DPY30: variants seen among roughly 807,000 people sequenced by gnomAD.
DPY30 encodes the protein protein dpy-30 homolog.
In DPY30, 6 loss-of-function variants were observed where a neutral mutation model predicts 16.2. The ratio of observed to expected loss-of-function variants is 0.37; its 90% CI spans 0.20 to 0.73. The LOEUF is 0.73. DPY30 is among the 30% of genes least tolerant of loss of function. The pLI is 0.51. For synonymous variants in DPY30, 39 were observed against 38.8 expected (o/e 1.00, Z -0.02); for missense variants, 73 against 113.1 (o/e 0.65, Z 1.61).
chr2:32,037,693 G>T (rs966797410), intron 3 of DPY30, among the ~76,000 whole-genome samples: 1 of 151,854 alleles, frequency 6.6e-6, no homozygotes, highest in African/African-American at 2.4e-5. Flanking sequence ...GAGTAGCTGG[G>T]ATTACAGGCA....
chr2:32,036,334 C>T (rs567771433), intron 3 of DPY30, among the ~76,000 whole-genome samples: 2 of 151,986 alleles, frequency 1.3e-5, no homozygotes, highest in South Asian at 2.1e-4. Context: ...AAATTCTAAA[C>T]CACAGATCCA....
chr2:32,023,310 G>A (rs1052826302), downstream of DPY30: 1 of 395,978 alleles, frequency 2.5e-6, no homozygotes, highest in Non-Finnish European at 5.1e-6. Flanking sequence ...CTTCACAGGG[G>A]ACAATGAGAA....
At chr2:32,038,421 G>GGC (rs1675835747) in intron 3 of DPY30, among the ~76,000 whole-genome samples, 1 of 83,156 alleles carries the variant, frequency 1.2e-5, no homozygotes, top group African/African-American at 4.7e-5. Flanking sequence ...GGGGGGGGGG[G>GGC]CGGGGGGAGG....
chr2:32,036,380 G>GA (rs1259245492), intron 3 of DPY30, among the ~76,000 whole-genome samples: 1 of 151,824 alleles, frequency 6.6e-6, no homozygotes, highest in Non-Finnish European at 1.5e-5. Context: ...AGTATTAAAA[G>GA]AAAAAAACTG....
chr2:32,017,948 A>T (rs1485605806), intron 5 of DPY30, among the ~76,000 whole-genome samples: 1 of 152,212 alleles, frequency 6.6e-6, no homozygotes, highest in African/African-American at 2.4e-5. Context: ...GACCTCAGAG[A>T]TCTAGCTAGT....
At position 32,024,112 on chromosome 2, in the gene DPY30, T is replaced by C; in HGVS notation, c.*72A>G. On this transcript the variant is annotated 3_prime_UTR_variant, in exon 5 of 5. Coordinates refer to ENST00000342166, the MANE Select transcript of DPY30 (RefSeq NM_001321209.2). ...TACATCCAAAAAGAGGGAATGATCA[T>C]GGCAATTAAAGCTGCCTCTTAATCA... is the stretch of plus-strand genomic sequence containing the variant. The C allele has an allele frequency of 1.3e-6, 2 of 1,564,640 alleles. No homozygotes were observed. The highest frequency in any genetic ancestry group is 1.2e-5 in the South Asian group (1 of 84,882).
intron 4 of DPY30, among the ~76,000 whole-genome samples, chr2:32,028,913 A>T (rs1300627306): frequency 2.6e-5 from 4 of 152,090 alleles, no homozygotes; most frequent in African/African-American, 9.7e-5. Flanking sequence ...GCAGTGAGCC[A>T]GGGTTGCACC....
intron 4 of DPY30, among the ~76,000 whole-genome samples, chr2:32,027,455 A>C (rs1424174999): frequency 1.1e-4 from 16 of 148,700 alleles, no homozygotes; most frequent in Admixed American, 4.1e-4. Context: ...GCTTGAACCC[A>C]GGAGGTGGAG....
chr2:32,030,368 C>A (rs1233896867), intron 3 of DPY30, among the ~76,000 whole-genome samples: 7 of 152,086 alleles, frequency 4.6e-5, no homozygotes, highest in African/African-American at 1.7e-4. Context: ...CAGGGGCTCA[C>A]GCCTGTAATC....
intron 5 of DPY30, among the ~76,000 whole-genome samples, chr2:32,012,561 G>A (rs1558579555): frequency 6.6e-6 from 1 of 150,488 alleles, no homozygotes; most frequent in Non-Finnish European, 1.5e-5. Context: ...CTCCAGAGTA[G>A]CTGGGATCAT....
chr2:32,027,697 C>T (rs1349670081), intron 4 of DPY30, among the ~76,000 whole-genome samples: 12 of 143,790 alleles, frequency 8.3e-5, no homozygotes, highest in Middle Eastern at 3.9e-3. Context: ...GGCGCAATCT[C>T]GGCTCACTGC....
At chr2:32,027,400 G>A (rs1484901151) in intron 4 of DPY30, among the ~76,000 whole-genome samples, 1 of 151,436 alleles carries the variant, frequency 6.6e-6, no homozygotes, top group Non-Finnish European at 1.5e-5. Context: ...TGTGCTGACA[G>A]GCACCTGTAA....
chr2:32,033,023 A>G (rs1015073296), intron 3 of DPY30, among the ~76,000 whole-genome samples: 1 of 150,552 alleles, frequency 6.6e-6, no homozygotes, highest in African/African-American at 2.5e-5. Context: ...TTTTTTTTTA[A>G]TTTTTGGCAG....
At chr2:32,020,545 C>T (rs1479262427), downstream of DPY30, among the ~76,000 whole-genome samples, 3 of 151,948 alleles carry the variant, frequency 2.0e-5, no homozygotes, top group Non-Finnish European at 4.4e-5. Flanking sequence ...AAAATTAAAC[C>T]TACCCCAAAT....
chr2:32,021,004 C>G (rs1675167490), downstream of DPY30: 3 of 151,578 alleles, frequency 2.0e-5, no homozygotes, highest in Admixed American at 2.0e-4. Context: ...CACGGTGGCT[C>G]ACGCCTGTAA....
chr2:32,023,151 G>T (rs139049531), downstream of DPY30, among the ~76,000 whole-genome samples: 766 of 151,840 alleles, frequency 5.0e-3, 5 homozygotes, highest in African/African-American at 0.017. Flanking sequence ...CAACCAAAAT[G>T]TGTCTAGACA....
At position 32,024,192 on chromosome 2, in the gene DPY30, G is replaced by T; in HGVS notation, c.292C>A (p.Arg98=). The T allele has an allele frequency of 6.2e-7, 1 of 1,611,958 alleles. No homozygotes were observed. The highest frequency in any genetic ancestry group is 1.1e-5 in the South Asian group (1 of 90,772). The change falls in exon 5 of 5, where the codon CGA becomes AGA. Residue 98 remains arginine, a synonymous_variant. Coordinates refer to ENST00000342166, the MANE Select transcript of DPY30 (RefSeq NM_001321209.2). ...CTGTTCTTCCCATTAAGTCAGTTTCGATCTTCAAACTGTGCCTTGTTTTTT... is the reference window on the plus strand; with the variant it reads ...CTGTTCTTCCCATTAAGTCAGTTTCTATCTTCAAACTGTGCCTTGTTTTTT... The part of the protein sequence containing the change: ...LLKNKAQFED[R]N
At chr2:32,038,126 A>G (rs1319756788) in intron 3 of DPY30, among the ~76,000 whole-genome samples, 1 of 122,846 alleles carries the variant, frequency 8.1e-6, no homozygotes, top group African/African-American at 3.1e-5. Context: ...TGTATTGCTC[A>G]TTTTCTTTCT....
chr2:32,023,990 T>A lies in DPY30; in HGVS notation c.*194A>T. 7.0e-7 allele frequency: 1 copy of A among 1,435,376 alleles called. No individual in the cohort carries two copies. Among genetic ancestry groups the A allele is most frequent in the Non-Finnish European group, 9.1e-7 (1 of 1,099,830 alleles). 88.9% of individuals were successfully genotyped at this position (1,435,376 alleles called of 1,614,324 possible). A position where few individuals can be genotyped will look rare whatever the true frequency, so the allele number is the denominator to read the frequency against. ...AAAAAAATTGCACAGAATACACTCATTAAATAGGTATGGTTTATGGTGATT... is the reference window on the plus strand; with the variant it reads ...AAAAAAATTGCACAGAATACACTCAATAAATAGGTATGGTTTATGGTGATT... On this transcript the variant is annotated 3_prime_UTR_variant, in exon 5 of 5. Coordinates refer to ENST00000342166, the MANE Select transcript of DPY30 (RefSeq NM_001321209.2).
Sources: gnomAD v4.1 joint callset for allele counts (sites outside exome capture counted in the v4.1 genomes callset) on GRCh38, gnomAD v4.1.1 for gene constraint, MANE v1.5 for transcripts, NCBI Gene and HGNC (gene_info 2026-07-23, HGNC 2026-07-21) for gene names.